Variants in FBXL17 observed in about 807,000 individuals in gnomAD.
FBXL17 encodes F-box and leucine rich repeat protein 17.
A neutral mutation model predicts 66.2 loss-of-function variants in FBXL17; 22 were observed. The ratio of observed to expected loss-of-function variants is 0.33; its 90% CI spans 0.24 to 0.47. The LOEUF is 0.47. Among genes scored for constraint, FBXL17 ranks in the 20% least tolerant of loss-of-function variants. The pLI, the probability that FBXL17 is intolerant of heterozygous loss-of-function variation, is 1.00. For missense variants in FBXL17, 878 were observed against 948.2 expected, an observed-to-expected ratio of 0.93 and a Z score of 0.97; for synonymous variants, 474 against 400.5, an observed-to-expected ratio of 1.18 and a Z score of -2.19.
At chr5:108,027,239 A>T (rs1367578003) in intron 6 of FBXL17, among the ~76,000 whole-genome samples, 2 of 152,160 alleles carry the variant, frequency 1.3e-5, no homozygotes, top group Admixed American at 6.6e-5. Context: ...GCAATATTTT[A>T]AAATGCACAT....
chr5:108,000,547 C>A (rs1160180391), intron 7 of FBXL17, among the ~76,000 whole-genome samples: 1 of 152,110 alleles, frequency 6.6e-6, no homozygotes, highest in Non-Finnish European at 1.5e-5. Flanking sequence ...CTGATGACTG[C>A]AAAAATTTAA....
At chr5:107,912,853 T>C (rs1749997919) in intron 7 of FBXL17, among the ~76,000 whole-genome samples, 1 of 152,118 alleles carries the variant, frequency 6.6e-6, no homozygotes, top group Admixed American at 6.6e-5. Flanking sequence ...CCCAAGAACC[T>C]GGGTTCAAAT....
intron 6 of FBXL17, among the ~76,000 whole-genome samples, chr5:108,110,415 A>G (rs754503892): frequency 8.3e-5 from 9 of 107,952 alleles, no homozygotes; most frequent in Non-Finnish European, 1.6e-4. Flanking sequence ...CATCACAGCT[A>G]TGTCATACAA....
chr5:108,189,017 G>A (rs868145620), intron 5 of FBXL17, among the ~76,000 whole-genome samples: 1 of 152,134 alleles, frequency 6.6e-6, no homozygotes, highest in Non-Finnish European at 1.5e-5. Context: ...TCTGCATGTG[G>A]TGGGCACAGA....
intron 4 of FBXL17, among the ~76,000 whole-genome samples, chr5:108,318,387 TTTATAA>T (rs1282185987): frequency 6.6e-6 from 1 of 151,802 alleles, no homozygotes; most frequent in Non-Finnish European, 1.5e-5. Flanking sequence ...TGTTACTATA[TTTATAA>T]TTATTTCTAT....
chr5:108,298,599 T>A, intron 4 of FBXL17: 2 of 946,308 alleles, frequency 2.1e-6, no homozygotes, highest in Non-Finnish European at 2.5e-6. Context: ...TGTAAAAAAA[T>A]ATAAATCTTT....
intron 7 of FBXL17, among the ~76,000 whole-genome samples, chr5:107,894,693 T>C (rs1223996763): frequency 6.6e-6 from 1 of 152,158 alleles, no homozygotes; most frequent in Admixed American, 6.6e-5. Context: ...TATATAATTA[T>C]ACATGTGTGA....
At position 108,296,459 on chromosome 5, in the gene FBXL17, T is replaced by G. The variant is rs375776876; in HGVS notation, c.1506+51940A>C. Among the ~76,000 whole-genome samples the G allele has an allele frequency of 9.9e-5, 15 of 151,972 alleles. 1 individual carries two copies. In the South Asian group the frequency reaches 3.1e-3, roughly 32 times the overall value. On this transcript the variant is annotated intron_variant, in intron 4 of 8. Transcript: ENST00000542267. ...TTCTTGCTAATAATACATCTAATAC[T>G]AAGTACTGAATGATTTATGTTTAGA...
At chr5:108,181,368 G>T (rs1412755362) in intron 6 of FBXL17, among the ~76,000 whole-genome samples, 2 of 152,050 alleles carry the variant, frequency 1.3e-5, no homozygotes, top group Non-Finnish European at 1.5e-5. Flanking sequence ...AATGGTAAAT[G>T]TCAAATGACT....
At chr5:108,251,892 T>C (rs1380596956) in intron 4 of FBXL17, among the ~76,000 whole-genome samples, 9 of 152,096 alleles carry the variant, frequency 5.9e-5, no homozygotes, top group Admixed American at 5.2e-4. Context: ...CATTGATACA[T>C]GTAGATCTAT....
intron 8 of FBXL17, chr5:107,879,947 T>C: frequency 1.0e-6 from 1 of 969,946 alleles, no homozygotes; most frequent in Non-Finnish European, 1.2e-6. Context: ...CTGACTGGTC[T>C]TTCTGAGCCT....
At chr5:107,882,789 T>C (rs1748835622) in intron 7 of FBXL17, among the ~76,000 whole-genome samples, 1 of 152,170 alleles carries the variant, frequency 6.6e-6, no homozygotes, top group South Asian at 2.1e-4. Flanking sequence ...TCCCTTTTAA[T>C]ACAAAGTGCT....
intron 7 of FBXL17, among the ~76,000 whole-genome samples, chr5:108,010,657 C>T (rs954905726): frequency 3.3e-5 from 5 of 152,168 alleles, no homozygotes; most frequent in South Asian, 2.1e-4. Context: ...TCTACCATAA[C>T]GTGCATAAGA....
At chr5:107,887,851 T>C (rs535142788) in intron 7 of FBXL17, among the ~76,000 whole-genome samples, 17 of 152,252 alleles carry the variant, frequency 1.1e-4, no homozygotes, top group African/African-American at 4.1e-4. Context: ...GATGTGCAGC[T>C]AGGGCTGAGA....
At chr5:108,218,941 T>C (rs1754729101) in intron 5 of FBXL17, among the ~76,000 whole-genome samples, 1 of 152,236 alleles carries the variant, frequency 6.6e-6, no homozygotes, top group African/African-American at 2.4e-5. Context: ...ATTGATTTCC[T>C]AGCTTTGATT....
At position 108,086,271 on chromosome 5, in the gene FBXL17, G is replaced by C. The variant is rs900021438; in HGVS notation, c.1746-65270C>G. Among the ~76,000 whole-genome samples the C allele has an allele frequency of 2.0e-5, 3 of 152,208 alleles. No individual in the cohort carries two copies. In the South Asian group the frequency reaches 6.2e-4, roughly 32 times the overall value. On this transcript the variant is annotated intron_variant, in intron 6 of 8. Coordinates refer to ENST00000542267, the MANE Select transcript of FBXL17 (RefSeq NM_001163315.3). ...TCCAGAGAAGTCCTGCCCCATAATC[G>C]GGAGGAAAAAATGGTACACAAAGAG...
intron 6 of FBXL17, among the ~76,000 whole-genome samples, chr5:108,045,931 A>G (rs568439526): frequency 3.3e-5 from 5 of 152,314 alleles, no homozygotes; most frequent in Admixed American, 6.5e-5. Context: ...AATGTGAAAT[A>G]CTGTTCTTGG....
At chr5:108,017,440 G>T (rs1368390935) in intron 7 of FBXL17, among the ~76,000 whole-genome samples, 11 of 152,172 alleles carry the variant, frequency 7.2e-5, no homozygotes, top group Non-Finnish European at 1.5e-5. Context: ...TCTTCAGAGG[G>T]AAAGAGAAAG....
chr5:108,011,715 T>G (rs1377153325), intron 7 of FBXL17, among the ~76,000 whole-genome samples: 1 of 152,252 alleles, frequency 6.6e-6, no homozygotes, highest in African/African-American at 2.4e-5. Context: ...TCCCAGCTAC[T>G]GGGGAGGCTG....
Sources: gnomAD v4.1 joint callset for allele counts (sites outside exome capture counted in the v4.1 genomes callset) on GRCh38, gnomAD v4.1.1 for gene constraint, MANE v1.5 for transcripts, NCBI Gene and HGNC (gene_info 2026-07-23, HGNC 2026-07-21) for gene names.